Variants in PKP1 observed in about 807,000 individuals in gnomAD.
PKP1 encodes plakophilin-1.
PKP1 carries 27 observed loss-of-function variants against 76.4 expected under a neutral mutation model. The observed-to-expected ratio is 0.35, with a 90% CI of 0.26 to 0.49. The LOEUF is 0.49. Among genes scored for constraint, PKP1 ranks in the 20% least tolerant of loss-of-function variants. The pLI, the probability that PKP1 is intolerant of heterozygous loss-of-function variation, is 0.99. For synonymous variants in PKP1, 404 were observed against 384.2 expected (o/e 1.05, Z -0.60); for missense variants, 964 against 955.2 (o/e 1.01, Z -0.12).
intron 2 of PKP1, among the ~76,000 whole-genome samples, chr1:201,299,328 G>C (rs1355052024): frequency 6.6e-6 from 1 of 152,232 alleles, no homozygotes; most frequent in African/African-American, 2.4e-5. Flanking sequence ...GAAAATTCCT[G>C]TCTCAAAGAG....
At chr1:201,326,906 G>A (rs3767518) in intron 12 of PKP1, among the ~76,000 whole-genome samples, 78,272 of 152,114 alleles carry the variant, frequency 0.51, 23,239 homozygotes, top group East Asian at 0.74. Context: ...GTGCCAGAAG[G>A]GGCTGAAGAC....
At chr1:201,314,416 A>G (rs937559865) in intron 3 of PKP1, among the ~76,000 whole-genome samples, 2 of 152,116 alleles carry the variant, frequency 1.3e-5, no homozygotes, top group Admixed American at 6.5e-5. Flanking sequence ...GAGCTGAGAT[A>G]GTGTCACTGC....
chr1:201,317,818 G>C (rs1414810374), intron 5 of PKP1, 39 bp downstream of exon 5: 4 of 1,580,754 alleles, frequency 2.5e-6, no homozygotes, highest in East Asian at 2.3e-5. Context: ...CCTGAGGGCT[G>C]TGCAAGGCCA....
In PKP1 at chr1:201,318,894, A is replaced by T; in HGVS notation, c.1232+99A>T. 17 of 1,016,196 alleles carry T rather than the reference A, an allele frequency of 1.7e-5. No homozygotes were observed. In the South Asian group the frequency reaches 2.2e-4, roughly 13 times the overall value. 62.9% of individuals were successfully genotyped at this position (1,016,196 alleles called of 1,614,324 possible). A position where few individuals can be genotyped will look rare whatever the true frequency, so the allele number is the denominator to read the frequency against. ...ACATTCAGCCGGTGCATAGAACATA[A>T]CAGACAACCCGGCACTCCCTCTTAT... On this transcript the variant is annotated intron_variant, in intron 6 of 13. Coordinates refer to ENST00000367324, the MANE Select transcript of PKP1 (RefSeq NM_001005337.3).
In PKP1 at chr1:201,319,750, C is replaced by A. The variant is rs549432092; in HGVS notation, c.1233-517C>A. 3 of 1,535,578 alleles carry A rather than the reference C, an allele frequency of 2.0e-6. No individual in the cohort carries two copies. The East Asian group carries it at 6.7e-5, about 35-fold the overall frequency. ...TTGGGTGGAGAGGGAGCTTCTGGTG[C>A]CCAGCCCGGCCACCCCCAGATCCAC... On this transcript the variant is annotated intron_variant, in intron 6 of 13. Coordinates refer to ENST00000367324, the MANE Select transcript of PKP1 (RefSeq NM_001005337.3).
chr1:201,290,788 A>G (rs1483911711), intron 1 of PKP1, among the ~76,000 whole-genome samples: 1 of 152,214 alleles, frequency 6.6e-6, no homozygotes, highest in Non-Finnish European at 1.5e-5. Context: ...TTCGCACTTC[A>G]GAGAGTGTCC....
intron 1 of PKP1, among the ~76,000 whole-genome samples, chr1:201,285,702 C>T (rs970385039): frequency 1.7e-4 from 26 of 152,248 alleles, no homozygotes; most frequent in African/African-American, 6.3e-4. Context: ...TCAAACCGGC[C>T]CTGGGTGCCC....
chr1:201,300,660 C>T (rs920882754), intron 2 of PKP1, among the ~76,000 whole-genome samples: 8 of 152,220 alleles, frequency 5.3e-5, no homozygotes, highest in Admixed American at 1.3e-4. Flanking sequence ...TGGCTCAGAC[C>T]ACCTCCTTGT....
chr1:201,320,773 T>C (rs555921278), intron 7 of PKP1, among the ~76,000 whole-genome samples: 2 of 152,268 alleles, frequency 1.3e-5, no homozygotes, highest in South Asian at 2.1e-4. Flanking sequence ...CTGTGCTTCA[T>C]TGGTGGTGCT....
intron 3 of PKP1, among the ~76,000 whole-genome samples, 161 bp downstream of exon 3, chr1:201,313,721 G>A (rs1230145755): frequency 6.6e-6 from 1 of 152,354 alleles, no homozygotes; most frequent in South Asian, 2.1e-4. Context: ...CCCTAATGGG[G>A]AGAACCTGGC....
Position 201,332,687 on chromosome 1 carries a change from C to G in PKP1, c.*2646C>G, listed in dbSNP as rs1026496332. Reference sequence around the variant, plus strand: ...AGCCACCTCTGCAGTGGGGACCACACTAGCAGCCCTGACTCCACACTCCTC... The same window carrying G: ...AGCCACCTCTGCAGTGGGGACCACAGTAGCAGCCCTGACTCCACACTCCTC... On this transcript the variant is annotated 3_prime_UTR_variant, in exon 14 of 14. Coordinates refer to ENST00000367324, the MANE Select transcript of PKP1 (RefSeq NM_001005337.3). 7 of 152,274 alleles carry G rather than the reference C, an allele frequency of 4.6e-5. No homozygotes were observed. The highest frequency in any genetic ancestry group is 1.7e-4 in the African/African-American group (7 of 41,450). 9.4% of individuals were successfully genotyped at this position (152,274 alleles called of 1,614,324 possible). A position where few individuals can be genotyped will look rare whatever the true frequency, so the allele number is the denominator to read the frequency against.
In PKP1 at chr1:201,330,190, T is replaced by G. The variant is rs936779688; in HGVS notation, c.*149T>G. 6.6e-6 allele frequency: 1 copy of G among 151,256 alleles called. No homozygotes were observed. The highest frequency in any genetic ancestry group is 1.5e-5 in the Non-Finnish European group (1 of 67,902). The allele number at this position is 151,256 out of a possible 1,614,324, so 9.4% of individuals were successfully genotyped here. On this transcript the variant is annotated 3_prime_UTR_variant, in exon 14 of 14. Coordinates refer to ENST00000367324, the MANE Select transcript of PKP1 (RefSeq NM_001005337.3). ...TGAGAAGAAACCTAAAAACTGTGGA[T>G]AGTGGAAAGATTTTTAGATTTTTTT...
In PKP1 at chr1:201,318,733, T is replaced by A. The variant is rs781037825; in HGVS notation, c.1170T>A (p.Asn390Lys). Reference sequence around the variant, plus strand: ...CCTTCTCTGGCTGGTGCGATGGCAATAGCAACATGTCCCGGGAAGTGGTGG... The same window carrying A: ...CCTTCTCTGGCTGGTGCGATGGCAAAAGCAACATGTCCCGGGAAGTGGTGG... ...IIPFSGWCDG[N>K]SNMSREVVDP... The change falls in exon 6 of 14, where the codon AAT becomes AAA. Residue 390 changes from asparagine (N) to lysine (K), a missense_variant. By Grantham distance (94) the Asn-to-Lys change is moderately conservative. Transcript: ENST00000367324. 4 of 1,611,894 alleles carry A rather than the reference T, an allele frequency of 2.5e-6. No individual in the cohort carries two copies. The highest frequency in any genetic ancestry group is 3.4e-6 in the Non-Finnish European group (4 of 1,179,738).
At chr1:201,323,253 C>A in intron 9 of PKP1, 64 bp downstream of exon 9, 1 of 1,498,596 alleles carries the variant, frequency 6.7e-7, no homozygotes, top group Non-Finnish European at 9.3e-7. Context: ...CCAGCCTCTG[C>A]TCCCTCCTTT....
chr1:201,294,082 C>G (rs1217617582), intron 2 of PKP1, 37 bp downstream of exon 2: 6 of 1,385,428 alleles, frequency 4.3e-6, no homozygotes, highest in Non-Finnish European at 6.2e-6. Context: ...ACCTGGAGTA[C>G]TTGTGGGGAT....
rs753973575 is a variant in PKP1 at position 201,311,583 on chromosome 1, T to A, written c.307-1583T>A. On this transcript the variant is annotated intron_variant, in intron 2 of 13. Transcript: ENST00000367324. ...TGCTGTCTGTGACTCCCTGCAGAGA[T>A]GAAAAAGGACCAAGTCGAGTGCCAG... Among the ~76,000 whole-genome samples, 272 of 152,216 alleles carry A rather than the reference T, an allele frequency of 1.8e-3. 1 individual carries two copies. Among genetic ancestry groups the A allele is most frequent in the East Asian group, 5.8e-4 (3 of 5,174 alleles).
chr1:201,318,861 C>A, intron 6 of PKP1, 66 bp downstream of exon 6: 1 of 1,346,010 alleles, frequency 7.4e-7, no homozygotes, highest in Non-Finnish European at 1.0e-6. Flanking sequence ...GCAGCCCCAT[C>A]TCAGCCAACA....
chr1:201,295,430 G>A (rs185014225), intron 2 of PKP1, among the ~76,000 whole-genome samples: 183 of 152,292 alleles, frequency 1.2e-3, no homozygotes, highest in Admixed American at 5.2e-3. Context: ...ACTGAGCCCG[G>A]TAAACTGACA....
At chr1:201,302,926 G>A (rs1344868696) in intron 2 of PKP1, among the ~76,000 whole-genome samples, 1 of 152,236 alleles carries the variant, frequency 6.6e-6, no homozygotes, top group Non-Finnish European at 1.5e-5. Context: ...GGAAACTGAG[G>A]TTCAGAGAGG....
Sources: allele counts gnomAD v4.1 joint callset (sites outside exome capture counted in the v4.1 genomes callset), GRCh38; gene constraint gnomAD v4.1.1; transcripts MANE v1.5; gene names NCBI Gene and HGNC (gene_info 2026-07-23, HGNC 2026-07-21).